The following LUC7L3 variants were observed in gnomAD, a reference collection of about 807,000 sequenced individuals.
LUC7L3 encodes the protein LUC7 like 3 pre-mRNA splicing factor, also known as luc7-like protein 3.
LUC7L3 carries 6 observed loss-of-function variants against 66.8 expected under a neutral mutation model. The ratio of observed to expected loss-of-function variants is 0.09; its 90% CI spans 0.05 to 0.18. The LOEUF is 0.18. LUC7L3 is among the 10% of genes least tolerant of loss of function. The probability of loss-of-function intolerance (pLI) is 1.00; values close to 1 mark genes in which losing one functional copy is unlikely to be tolerated. For missense variants in LUC7L3, 341 were observed against 531.1 expected (o/e 0.64, Z 3.52); for synonymous variants, 160 against 174.7 (o/e 0.92, Z 0.66).
rs1970660774 is a variant in LUC7L3, at chr17:50,746,257, G to T, written c.977+254G>T. Among the ~76,000 whole-genome samples, 3 of 152,098 alleles carry T rather than the reference G, an allele frequency of 2.0e-5. No individual in the cohort carries two copies. In the South Asian group the frequency reaches 6.2e-4, roughly 32 times the overall value. On this transcript the variant is annotated intron_variant, in intron 8 of 9. Coordinates refer to ENST00000505658, the MANE Select transcript of LUC7L3 (RefSeq NM_016424.5). Reference sequence around the variant, plus strand: ...TAGAGTACCTGATGGTCTCTTAAGTGCTTGTCTCACTGATTCCGAGAAATA... The same window carrying T: ...TAGAGTACCTGATGGTCTCTTAAGTTCTTGTCTCACTGATTCCGAGAAATA...
chr17:50,752,314 G>A lies in LUC7L3; in HGVS notation c.*1653G>A. On this transcript the variant is annotated 3_prime_UTR_variant, in exon 10 of 10. Transcript: ENST00000505658. ...TGGCATAGAAAAAGTATAAAGCTCA[G>A]TTAGTTTTTTTATTATTATTATTAT... is the stretch of plus-strand genomic sequence containing the variant. The A allele has an allele frequency of 1.2e-5, 11 of 930,680 alleles. No individual in the cohort carries two copies. The South Asian group carries it at 1.3e-4, about 11-fold the overall frequency. 57.7% of individuals were successfully genotyped at this position (930,680 alleles called of 1,614,324 possible).
chr17:50,746,036 C>T (rs761196646), intron 8 of LUC7L3, 33 bp downstream of exon 8: 2 of 1,550,798 alleles, frequency 1.3e-6, no homozygotes, highest in Non-Finnish European at 1.7e-6. Context: ...CTGTCCAGCT[C>T]ATAATGGGTG....
chr17:50,727,140 A>ACAAAATAT (rs1969250067), intron 1 of LUC7L3, among the ~76,000 whole-genome samples: 1 of 152,198 alleles, frequency 6.6e-6, no homozygotes, highest in Non-Finnish European at 1.5e-5. Flanking sequence ...AATACGTGTT[A>ACAAAATAT]ACCAACTGTT....
intron 1 of LUC7L3, among the ~76,000 whole-genome samples, chr17:50,733,690 G>A (rs1262983345): frequency 3.3e-5 from 5 of 152,060 alleles, no homozygotes; most frequent in Admixed American, 3.3e-4. Context: ...CGTGCAGCCA[G>A]TTCACAGTAA....
At position 50,751,887 on chromosome 17, in the gene LUC7L3, C is replaced by A; in HGVS notation, c.*1226C>A. On this transcript the variant is annotated 3_prime_UTR_variant, in exon 10 of 10. Coordinates refer to ENST00000505658, the MANE Select transcript of LUC7L3 (RefSeq NM_016424.5). Reference sequence around the variant, plus strand: ...AAGTGTTCTTAAAACCTGTAAACTTCATTCTGTGGGCTAGTGGTGTGGGAC... The same window carrying A: ...AAGTGTTCTTAAAACCTGTAAACTTAATTCTGTGGGCTAGTGGTGTGGGAC... The A allele has an allele frequency of 9.8e-7, 1 of 1,015,752 alleles. No individual in the cohort carries two copies. The highest frequency in any genetic ancestry group is 1.2e-6 in the Non-Finnish European group (1 of 848,060). The allele number at this position is 1,015,752 out of a possible 1,614,324, so 62.9% of individuals were successfully genotyped here. A position where few individuals can be genotyped will look rare whatever the true frequency, so the allele number is the denominator to read the frequency against.
At chr17:50,743,866 T>C in intron 6 of LUC7L3, 56 bp downstream of exon 6, 1 of 1,264,686 alleles carries the variant, frequency 7.9e-7, no homozygotes, top group Non-Finnish European at 1.1e-6. Context: ...TAGTAGGAAC[T>C]CATTTTTATT....
At chr17:50,720,187 T>C (rs767414530) in intron 1 of LUC7L3, among the ~76,000 whole-genome samples, 15 of 152,344 alleles carry the variant, frequency 9.8e-5, no homozygotes, top group East Asian at 5.8e-4. Flanking sequence ...TTCTATAGTT[T>C]GGGTTGAACG....
At chr17:50,720,995 G>A (rs188966218) in intron 1 of LUC7L3, among the ~76,000 whole-genome samples, 79 of 152,092 alleles carry the variant, frequency 5.2e-4, no homozygotes, top group Admixed American at 3.7e-3. Flanking sequence ...TAACATTTAG[G>A]CTCCCCATCC....
rs1398338124 is a variant in LUC7L3, at chr17:50,751,976, A to G, written c.*1315A>G. Reference sequence around the variant, plus strand: ...TTGTTGGTGGCATTCCCCTTTTGGGAAAGCAATGTAAGGTTATGTCTGTGT... The same window carrying G: ...TTGTTGGTGGCATTCCCCTTTTGGGGAAGCAATGTAAGGTTATGTCTGTGT... On this transcript the variant is annotated 3_prime_UTR_variant, in exon 10 of 10. Transcript: ENST00000505658. 3 of 1,026,990 alleles carry G rather than the reference A, an allele frequency of 2.9e-6. No homozygotes were observed. In the Admixed American group the frequency reaches 1.7e-4, roughly 57 times the overall value. The allele number at this position is 1,026,990 out of a possible 1,614,324, so 63.6% of individuals were successfully genotyped here. A position where few individuals can be genotyped will look rare whatever the true frequency, so the allele number is the denominator to read the frequency against.
chr17:50,736,118 G>A (rs1969970487), intron 1 of LUC7L3, among the ~76,000 whole-genome samples: 1 of 152,190 alleles, frequency 6.6e-6, no homozygotes, highest in Non-Finnish European at 1.5e-5. Context: ...GGGCAACAGA[G>A]TGAGTGAGAC....
chr17:50,725,173 G>T (rs753060061), intron 1 of LUC7L3, among the ~76,000 whole-genome samples: 11 of 152,206 alleles, frequency 7.2e-5, no homozygotes, highest in Non-Finnish European at 1.5e-4. Context: ...ACTTTGCGAG[G>T]CTGAGGCGGG....
intron 1 of LUC7L3, among the ~76,000 whole-genome samples, chr17:50,727,161 T>G (rs1370595608): frequency 6.6e-6 from 1 of 152,236 alleles, no homozygotes; most frequent in Admixed American, 6.5e-5. Flanking sequence ...AGTGTTATTG[T>G]AAGGCTTCCA....
In LUC7L3 at chr17:50,744,795, T is replaced by C. The variant is rs1970562167; in HGVS notation, c.675T>C (p.Ala225=). The change falls in exon 7 of 10, where the codon GCT becomes GCC. Residue 225 remains alanine, a synonymous_variant. Transcript: ENST00000505658. The part of the protein sequence containing the change: ...KQHMGYAKIK[A]TVEELKEKLR... ...ACATGGGCTATGCCAAAATTAAAGC[T>C]ACTGTAGAAGAATTAAAAGTAAGTT... 6.2e-7 allele frequency: 1 copy of C among 1,611,448 alleles called. No homozygotes were observed. Among genetic ancestry groups the C allele is most frequent in the African/African-American group, 1.3e-5 (1 of 74,644 alleles).
intron 1 of LUC7L3, among the ~76,000 whole-genome samples, chr17:50,729,371 T>C (rs954196815): frequency 2.6e-5 from 4 of 152,230 alleles, no homozygotes; most frequent in Non-Finnish European, 5.9e-5. Flanking sequence ...ATGCTGTTTA[T>C]TTTCATGCAT....
chr17:50,748,969 C>T (rs1281124124), intron 9 of LUC7L3, among the ~76,000 whole-genome samples: 1 of 151,862 alleles, frequency 6.6e-6, no homozygotes, highest in Non-Finnish European at 1.5e-5. Context: ...GACTTTGGGA[C>T]CAGGTGTGAG....
At chr17:50,736,038 C>T (rs1433811382) in intron 1 of LUC7L3, among the ~76,000 whole-genome samples, 2 of 152,182 alleles carry the variant, frequency 1.3e-5, no homozygotes, top group Non-Finnish European at 2.9e-5. Context: ...GAGACTGAGG[C>T]AGAACAATTG....
chr17:50,734,873 T>C (rs1969872127), intron 1 of LUC7L3, among the ~76,000 whole-genome samples: 1 of 152,104 alleles, frequency 6.6e-6, no homozygotes, highest in Non-Finnish European at 1.5e-5. Context: ...AACCCTAGAA[T>C]GTATTATTGT....
In LUC7L3 at chr17:50,754,945, C is replaced by G. The variant is rs545143537; in HGVS notation, c.*4284C>G. ...TTTTATGGTGGAAGTTCTCTGAGCC[C>G]TCATCCATTCTGTTTTTAAAAATGC... On this transcript the variant is annotated 3_prime_UTR_variant, in exon 10 of 10. Coordinates refer to ENST00000505658, the MANE Select transcript of LUC7L3 (RefSeq NM_016424.5). 6.6e-6 allele frequency: 1 copy of G among 152,100 alleles called. No homozygotes were observed. Among genetic ancestry groups the G allele is most frequent in the Admixed American group, 6.6e-5 (1 of 15,262 alleles). The allele number at this position is 152,100 out of a possible 1,614,324, so 9.4% of individuals were successfully genotyped here.
intron 1 of LUC7L3, among the ~76,000 whole-genome samples, chr17:50,724,408 C>G (rs1375785682): frequency 2.0e-5 from 3 of 152,010 alleles, no homozygotes; most frequent in Non-Finnish European, 4.4e-5. Flanking sequence ...GTAATCCCAG[C>G]TACTCTGGAG....
Sources: allele counts gnomAD v4.1 joint callset (sites outside exome capture counted in the v4.1 genomes callset), GRCh38; gene constraint gnomAD v4.1.1; transcripts MANE v1.5; gene names NCBI Gene and HGNC (gene_info 2026-07-23, HGNC 2026-07-21).